Variants in RGL1 observed in about 807,000 individuals in gnomAD.
The protein encoded by RGL1 is ral guanine nucleotide dissociation stimulator like 1, also known as ral guanine nucleotide dissociation stimulator-like 1.
A neutral mutation model predicts 95.2 loss-of-function variants in RGL1; 24 were observed. The ratio of observed to expected loss-of-function variants is 0.25; its 90% CI spans 0.18 to 0.35. The LOEUF (loss-of-function observed/expected upper bound fraction) is 0.35, where lower values mean the gene tolerates loss of function less well. Among genes scored for constraint, RGL1 ranks in the 10% least tolerant of loss-of-function variants. The probability of loss-of-function intolerance (pLI) is 1.00; values close to 1 mark genes in which losing one functional copy is unlikely to be tolerated. For missense variants in RGL1, 715 were observed against 936.3 expected, an observed-to-expected ratio of 0.76 and a Z score of 3.08; for synonymous variants, 329 against 344.9, an observed-to-expected ratio of 0.95 and a Z score of 0.51.
chr1:183,796,422 A>T (rs1307220291), intron 2 of RGL1, among the ~76,000 whole-genome samples: 1 of 152,118 alleles, frequency 6.6e-6, no homozygotes, highest in Non-Finnish European at 1.5e-5. Flanking sequence ...TCCGCCTCCC[A>T]AAGTGCTGGG....
rs12070109 is a variant in RGL1 at position 183,871,784 on chromosome 1, T to C, written c.425+5711T>C. On this transcript the variant is annotated intron_variant, in intron 4 of 17. Transcript: ENST00000360851. ...TGTTCTTCATGCATTTAAAAAAGTA[T>C]CAGATTGTGCAGGGACTCCCACATG... Among the ~76,000 whole-genome samples the C allele has an allele frequency of 8.3e-4, 127 of 152,360 alleles. 1 individual carries two copies. In the East Asian group the frequency reaches 0.019, roughly 22 times the overall value.
At chr1:183,654,669 T>G (rs941282326) in intron 1 of RGL1, among the ~76,000 whole-genome samples, 1 of 152,222 alleles carries the variant, frequency 6.6e-6, no homozygotes, top group Admixed American at 6.5e-5. Flanking sequence ...GCATCCCATG[T>G]GCACTGTGCA....
At chr1:183,852,635 G>A (rs1196531448) in intron 3 of RGL1, among the ~76,000 whole-genome samples, 1 of 151,808 alleles carries the variant, frequency 6.6e-6, no homozygotes, top group East Asian at 1.9e-4. Context: ...CCAACATGGT[G>A]AAACCCTGTC....
intron 2 of RGL1, among the ~76,000 whole-genome samples, chr1:183,816,009 C>T (rs6694916): frequency 0.034 from 5,170 of 152,268 alleles, 317 homozygotes; most frequent in African/African-American, 0.12. Flanking sequence ...TAACATCCCT[C>T]TCTCATTTTG....
At chr1:183,714,597 G>C (rs534050705) in intron 1 of RGL1, among the ~76,000 whole-genome samples, 1 of 152,184 alleles carries the variant, frequency 6.6e-6, no homozygotes, top group African/African-American at 2.4e-5. Context: ...GGAAACCAAA[G>C]CCCTGTGGAG....
At chr1:183,642,425 T>C (rs938473544) in intron 1 of RGL1, among the ~76,000 whole-genome samples, 1 of 152,210 alleles carries the variant, frequency 6.6e-6, no homozygotes, top group Non-Finnish European at 1.5e-5. Flanking sequence ...TATGTCAGAT[T>C]CTGGGGTTTG....
chr1:183,757,232 G>A (rs111506581), intron 2 of RGL1, among the ~76,000 whole-genome samples: 363 of 152,288 alleles, frequency 2.4e-3, no homozygotes, highest in African/African-American at 7.3e-3. Context: ...GCTCAGGAAT[G>A]GGGCTTCACA....
intron 1 of RGL1, among the ~76,000 whole-genome samples, chr1:183,739,840 A>G (rs1454589222): frequency 6.6e-6 from 1 of 152,206 alleles, no homozygotes; most frequent in Non-Finnish European, 1.5e-5. Flanking sequence ...CAGTCTTCCA[A>G]CGCTGAAAAT....
At chr1:183,849,955 G>GT (rs1339508259) in intron 3 of RGL1, among the ~76,000 whole-genome samples, 1 of 152,120 alleles carries the variant, frequency 6.6e-6, no homozygotes, top group African/African-American at 2.4e-5. Context: ...GATTGCACCA[G>GT]TGACATTCCT....
intron 3 of RGL1, among the ~76,000 whole-genome samples, chr1:183,864,935 G>A (rs1306808284): frequency 6.6e-6 from 1 of 152,196 alleles, no homozygotes; most frequent in Non-Finnish European, 1.5e-5. Context: ...AGGGTACTGG[G>A]CCTTTAATCC....
intron 2 of RGL1, among the ~76,000 whole-genome samples, chr1:183,824,588 T>C (rs1247368941): frequency 1.3e-5 from 2 of 152,236 alleles, no homozygotes; most frequent in African/African-American, 4.8e-5. Flanking sequence ...CTGAAAAAAG[T>C]CCTTTTACTT....
intron 1 of RGL1, among the ~76,000 whole-genome samples, chr1:183,662,508 T>C (rs937961148): frequency 0.078 from 11,848 of 151,268 alleles, 893 homozygotes; most frequent in African/African-American, 0.2. Context: ...TTACAAGGGA[T>C]GTGAAGGACC....
intron 2 of RGL1, among the ~76,000 whole-genome samples, chr1:183,846,141 C>T (rs534725179): frequency 6.6e-6 from 1 of 152,296 alleles, no homozygotes; most frequent in South Asian, 2.1e-4. Context: ...TTGGAACCAA[C>T]CCAAATGCCC....
intron 5 of RGL1, among the ~76,000 whole-genome samples, 170 bp from the exon 6 acceptor site, chr1:183,883,616 A>G (rs533720653): frequency 6.6e-6 from 1 of 152,322 alleles, no homozygotes; most frequent in South Asian, 2.1e-4. Context: ...ACAAGCAGAG[A>G]TGGGAAGATC....
chr1:183,653,395 C>G (rs1650913246), intron 1 of RGL1: 1 of 152,272 alleles, frequency 6.6e-6, no homozygotes, highest in Admixed American at 6.5e-5. Context: ...ATTTGCATAT[C>G]AAGCCACCTG....
chr1:183,793,635 C>CA (rs1442878827), intron 2 of RGL1, among the ~76,000 whole-genome samples: 3 of 150,498 alleles, frequency 2.0e-5, no homozygotes, highest in Non-Finnish European at 3.0e-5. Flanking sequence ...AGACATTTCT[C>CA]AAAAAAAGAC....
chr1:183,742,623 C>T lies in RGL1; in HGVS notation c.132+334C>T, dbSNP rs2491429. Among the ~76,000 whole-genome samples, 360 of 152,232 alleles carry T rather than the reference C, an allele frequency of 2.4e-3. 3 individuals are homozygous for T. The highest frequency in any genetic ancestry group is 4.4e-3 in the Non-Finnish European group (297 of 68,010). On this transcript the variant is annotated intron_variant, in intron 2 of 18. Transcript: ENST00000304685. Reference sequence around the variant, plus strand: ...AGCTACATTCTTTCTCAAGGCTGCCCTTCTGTGACTTCCCTCTCTCAAGCC... The same window carrying T: ...AGCTACATTCTTTCTCAAGGCTGCCTTTCTGTGACTTCCCTCTCTCAAGCC...
At chr1:183,926,056 GAGCTGACCTCCACA>G in intron 17 of RGL1, 35 bp from the exon 18 acceptor site, 1 of 1,547,260 alleles carries the variant, frequency 6.5e-7, no homozygotes, top group African/African-American at 1.4e-5. Flanking sequence ...TGTCAGTACT[GAGCTGACCTCCACA>G]AGCTGACCAT....
chr1:183,642,716 C>T (rs796991923), intron 1 of RGL1, among the ~76,000 whole-genome samples: 5 of 152,190 alleles, frequency 3.3e-5, no homozygotes, highest in African/African-American at 1.2e-4. Flanking sequence ...TTTAGTCTAA[C>T]AGAAAAGATG....
Sources: allele counts gnomAD v4.1 joint callset (sites outside exome capture counted in the v4.1 genomes callset), GRCh38; gene constraint gnomAD v4.1.1; transcripts MANE v1.5; gene names NCBI Gene and HGNC (gene_info 2026-07-23, HGNC 2026-07-21).